Variants in CLCA1 observed in about 807,000 individuals in gnomAD.
CLCA1 encodes the protein chloride channel accessory 1.
CLCA1 carries 59 observed loss-of-function variants against 85.6 expected under a neutral mutation model. The ratio of observed to expected loss-of-function variants is 0.69; its 90% CI spans 0.56 to 0.86. CLCA1 has a LOEUF of 0.86. Among genes scored for constraint, CLCA1 ranks in the 40% least tolerant of loss-of-function variants. The pLI, the probability that CLCA1 is intolerant of heterozygous loss-of-function variation, is 0.00. For synonymous variants in CLCA1, 396 were observed against 398.3 expected (o/e 0.99, Z 0.07); for missense variants, 1,022 against 1,101.4 (o/e 0.93, Z 1.02).
chr1:86,475,259 C>T (rs1270557768), intron 3 of CLCA1, among the ~76,000 whole-genome samples: 1 of 152,202 alleles, frequency 6.6e-6, no homozygotes, highest in Non-Finnish European at 1.5e-5. Context: ...AAAGAGACCA[C>T]CAATACCTAC....
At chr1:86,499,326 C>T (rs1020469627) in intron 13 of CLCA1, among the ~76,000 whole-genome samples, 3 of 152,216 alleles carry the variant, frequency 2.0e-5, no homozygotes, top group Non-Finnish European at 4.4e-5. Context: ...TGCAAACTGC[C>T]TCTATAAATA....
intron 9 of CLCA1, among the ~76,000 whole-genome samples, chr1:86,493,071 G>T (rs1283000941): frequency 6.6e-6 from 1 of 152,128 alleles, no homozygotes; most frequent in East Asian, 1.9e-4. Flanking sequence ...GACTAAGAAG[G>T]CTTAGATAAA....
In CLCA1 at chr1:86,499,854, C is replaced by T. The variant is rs749734225; in HGVS notation, c.2554C>T (p.Leu852=). ...TATTCAGGCTGTTGATAAGGTCGATCTGAAATCAGAAATATCCAACATTGC... is the reference window on the plus strand; with the variant it reads ...TATTCAGGCTGTTGATAAGGTCGATTTGAAATCAGAAATATCCAACATTGC... ...IAIQAVDKVD[L]KSEISNIARV... is the part of the protein sequence containing the mutation. The change falls in exon 14 of 14, where the codon CTG becomes TTG. Residue 852 remains leucine (L), a synonymous_variant. Transcript: ENST00000394711. 3 of 1,613,430 alleles carry T rather than the reference C, an allele frequency of 1.9e-6. No homozygotes were observed. In the Admixed American group the frequency reaches 5.0e-5, roughly 27 times the overall value.
intron 6 of CLCA1, 151 bp downstream of exon 6, chr1:86,485,712 G>C (rs1191550941): frequency 1.5e-6 from 1 of 683,972 alleles, no homozygotes; most frequent in Non-Finnish European, 2.5e-6. Flanking sequence ...CTTCAACTTT[G>C]TTCAACAAAG....
Position 86,485,420 on chromosome 1 carries a change from C to A in CLCA1, c.813C>A (p.Ser271Arg). 6.2e-7 allele frequency: 1 copy of A among 1,614,160 alleles called. No homozygotes were observed. Among genetic ancestry groups the A allele is most frequent in the Non-Finnish European group, 8.5e-7 (1 of 1,180,016 alleles). ...AAAATCAAAAATGCAATCTCCGAAG[C>A]ACATGGGAAGTGATCCGTGATTCTG... ...NKQNQKCNLRSTWEVIRDSED... is the reference protein window; with the variant it reads ...NKQNQKCNLRRTWEVIRDSED... Residue 271 changes from serine to arginine, a missense_variant, in exon 6 of 14, where the codon AGC becomes AGA. By Grantham distance (110) the Ser-to-Arg change is moderately radical. Transcript: ENST00000394711.
Position 86,489,099 on chromosome 1 carries a change from G to T in CLCA1, c.1286G>T (p.Gly429Val). The change falls in exon 8 of 14, where the codon GGT becomes GTT. Residue 429 changes from glycine (G) to valine (V), a missense_variant. Transcript: ENST00000394711. Reference protein sequence around the residue: ...SGCFNEVKQSGAIIHTVALGP... With the variant: ...SGCFNEVKQSVAIIHTVALGP... ...TGCTTTAACGAGGTCAAACAAAGTG[G>T]TGCCATCATCCACACAGTCGCTTTG... is the stretch of plus-strand genomic sequence containing the variant. 1.9e-6 allele frequency: 3 copies of T among 1,614,102 alleles called. No homozygotes were observed. Among genetic ancestry groups the T allele is most frequent in the Non-Finnish European group, 2.5e-6 (3 of 1,180,018 alleles).
Position 86,499,919 on chromosome 1 carries a change from G to C in CLCA1, c.2619G>C (p.Glu873Asp). 1.2e-6 allele frequency: 2 copies of C among 1,614,060 alleles called. No individual in the cohort carries two copies. The highest frequency in any genetic ancestry group is 8.5e-7 in the Non-Finnish European group (1 of 1,179,944). Reference sequence around the variant, plus strand: ...TTATTCCTCCACAGACTCCGCCAGAGACACCTAGTCCTGATGAAACGTCTG... The same window carrying C: ...TTATTCCTCCACAGACTCCGCCAGACACACCTAGTCCTGATGAAACGTCTG... ...SLFIPPQTPP[E>D]TPSPDETSAP... The change falls in exon 14 of 14, where the codon GAG becomes GAC. Residue 873 changes from glutamate to aspartate, a missense_variant. Glu to Asp is a conservative substitution (Grantham distance 45). Coordinates refer to ENST00000394711, the MANE Select transcript of CLCA1 (RefSeq NM_001285.4).
intron 8 of CLCA1, 72 bp downstream of exon 8, chr1:86,489,242 G>A: frequency 2.8e-6 from 4 of 1,419,494 alleles, no homozygotes; most frequent in East Asian, 2.4e-5. Context: ...GAACTGGGGA[G>A]TGGGGGAAAG....
intron 5 of CLCA1, among the ~76,000 whole-genome samples, chr1:86,485,104 G>A (rs1476586895): frequency 6.6e-6 from 1 of 151,738 alleles, no homozygotes; most frequent in Admixed American, 6.6e-5. Flanking sequence ...GGAGTAGGAA[G>A]GAAACCAAAA....
intron 12 of CLCA1, among the ~76,000 whole-genome samples, chr1:86,496,064 T>G (rs1648274852): frequency 6.6e-6 from 1 of 152,200 alleles, no homozygotes; most frequent in South Asian, 2.1e-4. Context: ...AATCTTTTTG[T>G]ACTTCACTCT....
intron 9 of CLCA1, among the ~76,000 whole-genome samples, chr1:86,491,603 G>A (rs2753343): frequency 0.85 from 129,179 of 152,228 alleles, 54,896 homozygotes; most frequent in South Asian, 0.92. Context: ...CCTCACAGAA[G>A]TCAGCAGATA....
chr1:86,480,740 G>A (rs1187342409), intron 4 of CLCA1, among the ~76,000 whole-genome samples: 1 of 152,220 alleles, frequency 6.6e-6, no homozygotes, highest in African/African-American at 2.4e-5. Flanking sequence ...TTATTGTCTA[G>A]TAAGTTATTG....
chr1:86,469,845 A>T (rs1647449315), intron 1 of CLCA1, among the ~76,000 whole-genome samples: 2 of 152,156 alleles, frequency 1.3e-5, no homozygotes, highest in Admixed American at 1.3e-4. Flanking sequence ...TGTACTAGTA[A>T]CAGTATTAGT....
At chr1:86,490,176 A>G (rs1648096778) in intron 8 of CLCA1, among the ~76,000 whole-genome samples, 1 of 152,098 alleles carries the variant, frequency 6.6e-6, no homozygotes, top group African/African-American at 2.4e-5. Flanking sequence ...GGCAGAGGAG[A>G]GGGGCATGTT....
chr1:86,475,401 T>C (rs934014750), intron 3 of CLCA1, among the ~76,000 whole-genome samples: 5 of 152,290 alleles, frequency 3.3e-5, no homozygotes, highest in Non-Finnish European at 7.4e-5. Context: ...AGTCATTCAC[T>C]CAAGTTTAAC....
Position 86,500,256 on chromosome 1 carries a change from G to A in CLCA1, c.*211G>A. 3 of 432,684 alleles carry A rather than the reference G, an allele frequency of 6.9e-6. No individual in the cohort carries two copies. The highest frequency in any genetic ancestry group is 5.7e-5 in the South Asian group (1 of 17,406). 26.8% of individuals were successfully genotyped at this position (432,684 alleles called of 1,614,324 possible). A position where few individuals can be genotyped will look rare whatever the true frequency, so the allele number is the denominator to read the frequency against. ...GATAAAATAAAATGCTAAACAACTG[G>A]GTATACATGCATAAAAACTATCCAT... On this transcript the variant is annotated 3_prime_UTR_variant, in exon 14 of 14. Transcript: ENST00000394711.
At chr1:86,471,241 T>C (rs1232641997) in intron 1 of CLCA1, among the ~76,000 whole-genome samples, 4 of 152,202 alleles carry the variant, frequency 2.6e-5, no homozygotes, top group African/African-American at 4.8e-5. Context: ...TATACCACTT[T>C]GCCATTTACT....
chr1:86,471,113 G>A (rs568567735), intron 1 of CLCA1, among the ~76,000 whole-genome samples: 24 of 152,086 alleles, frequency 1.6e-4, no homozygotes, highest in South Asian at 6.3e-4. Flanking sequence ...ACACACACAC[G>A]CCCATGCACA....
rs766535077 is a variant in CLCA1 at position 86,473,461 on chromosome 1, A to G, written c.207A>G (p.Gly69=). 16 of 1,609,520 alleles carry G rather than the reference A, an allele frequency of 9.9e-6. No individual in the cohort carries two copies. The highest frequency in any genetic ancestry group is 3.3e-5 in the Admixed American group (2 of 59,974). The change falls in exon 2 of 14, where the codon GGA becomes GGG. Residue 69 remains glycine, a synonymous_variant. Coordinates refer to ENST00000394711, the MANE Select transcript of CLCA1 (RefSeq NM_001285.4). The part of the protein sequence containing the change: ...QASLYLLEAT[G]KRFYFKNVAI... Reference sequence around the variant, plus strand: ...CTCTGTATCTGCTTGAAGCTACAGGAAAGCGATTTTATTTCAAAAATGTTG... The same window carrying G: ...CTCTGTATCTGCTTGAAGCTACAGGGAAGCGATTTTATTTCAAAAATGTTG...
Sources: gnomAD v4.1 joint callset for allele counts (sites outside exome capture counted in the v4.1 genomes callset) on GRCh38, gnomAD v4.1.1 for gene constraint, MANE v1.5 for transcripts, NCBI Gene and HGNC (gene_info 2026-07-23, HGNC 2026-07-21) for gene names.